CDH13: variants seen among roughly 807,000 people sequenced by gnomAD.
The protein encoded by CDH13 is cadherin 13, also known as cadherin-13.
In CDH13, 24 loss-of-function variants were observed where a neutral mutation model predicts 63.8. The observed-to-expected ratio is 0.38, with a 90% CI of 0.27 to 0.53. The LOEUF (loss-of-function observed/expected upper bound fraction) is 0.53. CDH13 is among the 20% of genes least tolerant of loss of function. CDH13 has a pLI of 0.85. For missense variants in CDH13, 1,049 were observed against 903.1 expected, an observed-to-expected ratio of 1.16 and a Z score of -2.07; for synonymous variants, 503 against 355.3, an observed-to-expected ratio of 1.42 and a Z score of -4.67.
At chr16:83,151,117 A>G (rs1449831748) in intron 4 of CDH13, among the ~76,000 whole-genome samples, 1 of 152,198 alleles carries the variant, frequency 6.6e-6, no homozygotes, top group East Asian at 1.9e-4. Flanking sequence ...TCACCCAGAT[A>G]CTAATCAGGT....
intron 10 of CDH13, among the ~76,000 whole-genome samples, chr16:83,704,033 CATCTAGAAAATGACAAGA>C (rs1438459107): frequency 6.6e-6 from 1 of 152,182 alleles, no homozygotes; most frequent in Non-Finnish European, 1.5e-5. Flanking sequence ...CATTTCTTGG[CATCTAGAAAATGACAAGA>C]ACCCTTCAAC....
At chr16:82,743,649 C>T (rs1342859292) in intron 1 of CDH13, among the ~76,000 whole-genome samples, 2 of 152,028 alleles carry the variant, frequency 1.3e-5, no homozygotes, top group Admixed American at 6.5e-5. Flanking sequence ...AAATACAGAC[C>T]CAACACTCAG....
chr16:82,754,766 ATC>A (rs1460630671), intron 1 of CDH13, among the ~76,000 whole-genome samples: 1 of 152,216 alleles, frequency 6.6e-6, no homozygotes, highest in Non-Finnish European at 1.5e-5. Flanking sequence ...TTTGATAATG[ATC>A]TCTAAAAGCC....
chr16:82,861,397 T>A (rs1299921083), intron 2 of CDH13, among the ~76,000 whole-genome samples: 1 of 152,226 alleles, frequency 6.6e-6, no homozygotes, highest in Non-Finnish European at 1.5e-5. Flanking sequence ...TTCTTTAAAG[T>A]TGTCTGAAAG....
intron 1 of CDH13, among the ~76,000 whole-genome samples, chr16:82,632,145 C>T (rs1908085088): frequency 6.6e-6 from 1 of 152,174 alleles, no homozygotes; most frequent in Non-Finnish European, 1.5e-5. Context: ...CCTCTTTAGG[C>T]AGGACGTGCC....
intron 5 of CDH13, among the ~76,000 whole-genome samples, chr16:83,265,753 T>TTTTTTTTTTTTTTTTTTTTTTTTTTTTC (rs369864549): frequency 1.5e-5 from 2 of 132,548 alleles, no homozygotes; most frequent in Non-Finnish European, 3.3e-5. Flanking sequence ...TTTTTTTTTT[T>TTTTTTTTTTTTTTTTTTTTTTTTTTTTC]GGTCTGTGTC....
At chr16:83,106,382 A>T (rs1332446448) in intron 3 of CDH13, among the ~76,000 whole-genome samples, 2 of 152,014 alleles carry the variant, frequency 1.3e-5, no homozygotes, top group Admixed American at 6.5e-5. Context: ...TACTAAAGAT[A>T]CAAAAAAAAT....
chr16:83,279,249 C>G (rs1305222017), intron 5 of CDH13, among the ~76,000 whole-genome samples: 2 of 152,092 alleles, frequency 1.3e-5, no homozygotes, highest in African/African-American at 4.8e-5. Context: ...TGTAAGTCAG[C>G]TGTTTTTATA....
chr16:82,670,342 A>T (rs1913091068), intron 1 of CDH13, among the ~76,000 whole-genome samples: 1 of 152,198 alleles, frequency 6.6e-6, no homozygotes, highest in Non-Finnish European at 1.5e-5. Context: ...ATTTAGAGCG[A>T]TTTCTTTCCT....
intron 5 of CDH13, among the ~76,000 whole-genome samples, chr16:83,269,866 T>G (rs1474451073): frequency 6.6e-6 from 1 of 152,180 alleles, no homozygotes; most frequent in African/African-American, 2.4e-5. Context: ...CTCATCTGAT[T>G]TGTCTGTCCT....
intron 2 of CDH13, among the ~76,000 whole-genome samples, chr16:82,912,576 T>C (rs2041864647): frequency 6.6e-6 from 1 of 152,220 alleles, no homozygotes; most frequent in African/African-American, 2.4e-5. Flanking sequence ...TGAAATACTC[T>C]TAGTTGGTTC....
intron 2 of CDH13, among the ~76,000 whole-genome samples, chr16:82,902,343 A>T (rs541516429): frequency 9.9e-5 from 15 of 152,042 alleles, no homozygotes; most frequent in African/African-American, 3.6e-4. Context: ...ACAGAAATCA[A>T]TTTTGACTTG....
At chr16:83,180,371 A>G (rs1451567088) in intron 4 of CDH13, among the ~76,000 whole-genome samples, 1 of 152,146 alleles carries the variant, frequency 6.6e-6, no homozygotes, top group Non-Finnish European at 1.5e-5. Flanking sequence ...TAAGGTTAGG[A>G]ACAAACAAAC....
At chr16:83,603,531 C>T (rs1385952677) in intron 8 of CDH13, among the ~76,000 whole-genome samples, 1 of 152,190 alleles carries the variant, frequency 6.6e-6, no homozygotes, top group African/African-American at 2.4e-5. Context: ...GAACCAGGTT[C>T]CTGTGATTCA....
intron 4 of CDH13, among the ~76,000 whole-genome samples, chr16:83,169,404 T>C (rs1422174885): frequency 1.3e-5 from 2 of 152,088 alleles, no homozygotes; most frequent in Non-Finnish European, 2.9e-5. Context: ...CTTGATGTCT[T>C]GACCTCATAA....
chr16:82,657,639 T>G (rs1022111155), intron 1 of CDH13, among the ~76,000 whole-genome samples: 4 of 152,242 alleles, frequency 2.6e-5, no homozygotes, highest in Non-Finnish European at 4.4e-5. Flanking sequence ...GTACATTTCA[T>G]GTACACAGTT....
Position 83,210,587 on chromosome 16 carries a change from A to C in CDH13, c.484-6758A>C, listed in dbSNP as rs116601182. Among the ~76,000 whole-genome samples, 1,035 of 152,188 alleles carry C rather than the reference A, an allele frequency of 6.8e-3. 10 individuals carry two copies. Among genetic ancestry groups the C allele is most frequent in the African/African-American group, 0.024 (1,001 of 41,564 alleles). On this transcript the variant is annotated intron_variant, in intron 4 of 13. Coordinates refer to ENST00000567109, the MANE Select transcript of CDH13 (RefSeq NM_001257.5). ...CTGTTCTAGGCTCTGAGGACAAAGC[A>C]GACAAAGTAGCTACTTGAGATCTGG...
chr16:82,810,852 T>C (rs1001457803), intron 1 of CDH13, among the ~76,000 whole-genome samples: 5 of 151,194 alleles, frequency 3.3e-5, no homozygotes, highest in Non-Finnish European at 7.4e-5. Context: ...AAGCCATTAA[T>C]AGGATTCGGG....
chr16:82,971,743 G>T lies in CDH13; in HGVS notation c.158-60267G>T, dbSNP rs61606515. Among the ~76,000 whole-genome samples the T allele has an allele frequency of 4.9e-3, 740 of 152,304 alleles. 7 individuals are homozygous for T. The highest frequency in any genetic ancestry group is 0.017 in the African/African-American group (713 of 41,578). Reference sequence around the variant, plus strand: ...AAGTCTGTTTAGGTAAGAATTAAATGTAAAAAAACACAAACATTTAAGTTC... The same window carrying T: ...AAGTCTGTTTAGGTAAGAATTAAATTTAAAAAAACACAAACATTTAAGTTC... On this transcript the variant is annotated intron_variant, in intron 2 of 13. Transcript: ENST00000567109.
Sources: allele counts gnomAD v4.1 joint callset (sites outside exome capture counted in the v4.1 genomes callset), GRCh38; gene constraint gnomAD v4.1.1; transcripts MANE v1.5; gene names NCBI Gene and HGNC (gene_info 2026-07-23, HGNC 2026-07-21).